DHRS11: variants seen among roughly 807,000 people sequenced by gnomAD.
DHRS11 encodes dehydrogenase/reductase 11, also known as dehydrogenase/reductase SDR family member 11.
DHRS11 carries 18 observed loss-of-function variants against 30.7 expected under a neutral mutation model. That is an observed-to-expected ratio of 0.59 (90% CI 0.41 to 0.87). The LOEUF (loss-of-function observed/expected upper bound fraction) is 0.87. DHRS11 is among the 40% of genes least tolerant of loss of function. The pLI, the probability that DHRS11 is intolerant of heterozygous loss-of-function variation, is 0.00. For missense variants in DHRS11, 300 were observed against 349.0 expected, an observed-to-expected ratio of 0.86 and a Z score of 1.12; for synonymous variants, 123 against 139.6, an observed-to-expected ratio of 0.88 and a Z score of 0.84.
Position 36,595,102 on chromosome 17 carries a change from C to G in DHRS11, c.279C>G (p.Ile93Met). Residue 93 changes from isoleucine (I) to methionine (M), a missense_variant, in exon 2 of 7, where the codon ATC (isoleucine) becomes ATG (methionine). Transcript: ENST00000618403. ...AIRSQHSGVDICINNAGLARP... is the reference protein window; with the variant it reads ...AIRSQHSGVDMCINNAGLARP... ...GTTCTCAGCACAGCGGTGTAGACAT[C>G]TGCATCAACAATGCTGGCTTGGCCC... The G allele has an allele frequency of 1.9e-6, 3 of 1,614,202 alleles. No homozygotes were observed. The highest frequency in any genetic ancestry group is 2.5e-6 in the Non-Finnish European group (3 of 1,180,048).
Position 36,592,197 on chromosome 17 carries a change from TTTCCC to T in DHRS11, c.147+42_147+46del. 1 of 1,249,860 alleles carries T rather than the reference TTTCCC, an allele frequency of 8.0e-7. No individual in the cohort carries two copies. The highest frequency in any genetic ancestry group is 3.1e-5 in the East Asian group (1 of 32,634). 77.4% of individuals were successfully genotyped at this position (1,249,860 alleles called of 1,614,324 possible). On this transcript the variant is annotated intron_variant, in intron 1 of 6. Transcript: ENST00000618403. This position sits in a 1 kb window ranked among gnomAD's most constrained non-coding sequence, Gnocchi z 4.4. ...GGGCGGGGACGTCGCGGGCGGGTCG[TTTCCC>T]CGGAGTCGGGTTCACCTGCCCGCCA...
At chr17:36,595,637 G>T (rs2074805152) in intron 2 of DHRS11, among the ~76,000 whole-genome samples, 1 of 151,942 alleles carries the variant, frequency 6.6e-6, no homozygotes, top group Non-Finnish European at 1.5e-5. Context: ...TGGCCAGGCT[G>T]GTCTCAAACT....
At position 36,592,880 on chromosome 17, in the gene DHRS11, G is replaced by A. The variant is rs1450367280; in HGVS notation, c.147+724G>A. ...CCTGTAAGCTCATTCTCAGTGTCGGGCTAGTGCTTAGCTGCAGGGCTTTAT... is the reference window on the plus strand; with the variant it reads ...CCTGTAAGCTCATTCTCAGTGTCGGACTAGTGCTTAGCTGCAGGGCTTTAT... On this transcript the variant is annotated intron_variant, in intron 1 of 6. Transcript: ENST00000618403. This position sits in a 1 kb window ranked among gnomAD's most constrained non-coding sequence, Gnocchi z 4.4. Among the ~76,000 whole-genome samples the A allele has an allele frequency of 6.6e-6, 1 of 152,118 alleles. No homozygotes were observed. Among genetic ancestry groups the A allele is most frequent in the Non-Finnish European group, 1.5e-5 (1 of 68,026 alleles).
At chr17:36,599,556 A>T in intron 4 of DHRS11, 115 bp from the exon 5 acceptor site, 3 of 1,051,308 alleles carry the variant, frequency 2.9e-6, no homozygotes, top group Non-Finnish European at 4.3e-6. Flanking sequence ...CCGCTGCCGG[A>T]TATCAGGCAG....
Position 36,600,025 on chromosome 17 carries a change from C to A in DHRS11, c.729C>A (p.Pro243=), listed in dbSNP as rs139174854. The A allele has an allele frequency of 1.9e-6, 3 of 1,613,710 alleles. No homozygotes were observed. The highest frequency in any genetic ancestry group is 4.5e-5 in the East Asian group (2 of 44,854). ...AEAVIYVLST[P]AHIQIGDIQM... The stretch of plus-strand genomic sequence containing the variant: ...CTGTTATCTACGTCCTCAGCACCCC[C>A]GCACACATCCAGGTGAGTCTGGCCC... Residue 243 remains proline, a synonymous_variant, in exon 6 of 7, where the codon CCC becomes CCA. Coordinates refer to ENST00000618403, the MANE Select transcript of DHRS11 (RefSeq NM_024308.4).
chr17:36,597,541 G>A (rs1174027993), intron 2 of DHRS11: 2 of 158,120 alleles, frequency 1.3e-5, no homozygotes, highest in African/African-American at 4.8e-5. Context: ...TGACCCTCTA[G>A]AGTCTCCGTG....
chr17:36,593,924 C>T (rs2074788266), intron 1 of DHRS11, among the ~76,000 whole-genome samples: 1 of 152,230 alleles, frequency 6.6e-6, no homozygotes, highest in Non-Finnish European at 1.5e-5. Context: ...TGAATGTCAG[C>T]TTCCCCCTGG....
In DHRS11 at chr17:36,595,082, C is replaced by G; in HGVS notation, c.259C>G (p.Gln87Glu). 2 of 1,614,222 alleles carry G rather than the reference C, an allele frequency of 1.2e-6. No homozygotes were observed. The highest frequency in any genetic ancestry group is 2.2e-5 in the South Asian group (2 of 91,080). The change falls in exon 2 of 7, where the codon CAG becomes GAG. Residue 87 changes from glutamine to glutamate, a missense_variant. Gln to Glu is a conservative substitution (Grantham distance 29). Coordinates refer to ENST00000618403, the MANE Select transcript of DHRS11 (RefSeq NM_024308.4). ...CTCCATGTTCTCAGCTATCCGTTCTCAGCACAGCGGTGTAGACATCTGCAT... is the reference window on the plus strand; with the variant it reads ...CTCCATGTTCTCAGCTATCCGTTCTGAGCACAGCGGTGTAGACATCTGCAT... ...ILSMFSAIRS[Q>E]HSGVDICINN... is the part of the protein sequence containing the mutation.
chr17:36,593,460 C>T (rs1431403941), intron 1 of DHRS11, among the ~76,000 whole-genome samples: 1 of 152,152 alleles, frequency 6.6e-6, no homozygotes, highest in Non-Finnish European at 1.5e-5. Flanking sequence ...AATTTTGAGT[C>T]TAGAGGAGGA....
chr17:36,592,548 A>C lies in DHRS11; in HGVS notation c.147+392A>C, dbSNP rs2074776351. ...CTGGCCAACCAGATGGGCAGGAGCC[A>C]GGACTGAGGTTGGGGTTGGGGTGGG... On this transcript the variant is annotated intron_variant, in intron 1 of 6. Coordinates refer to ENST00000618403, the MANE Select transcript of DHRS11 (RefSeq NM_024308.4). The surrounding 1 kb of genome is among the most constrained non-coding windows in gnomAD (Gnocchi z 4.4). 6.6e-6 allele frequency among the ~76,000 whole-genome samples: 1 copy of C among 152,200 alleles called. No individual in the cohort carries two copies. Among genetic ancestry groups the C allele is most frequent in the Non-Finnish European group, 1.5e-5 (1 of 68,032 alleles).
intron 3 of DHRS11, 143 bp downstream of exon 3, chr17:36,598,400 G>C: frequency 1.3e-6 from 1 of 776,208 alleles, no homozygotes; most frequent in East Asian, 2.7e-5. Context: ...GTGAGGGAAA[G>C]AATAATGTTG....
intron 5 of DHRS11, 75 bp from the exon 6 acceptor site, chr17:36,599,897 C>A (rs986007218): frequency 3.1e-6 from 5 of 1,588,908 alleles, no homozygotes; most frequent in Non-Finnish European, 4.3e-6. Flanking sequence ...GTGGATGCCA[C>A]AGAGAAGCTC....
At position 36,597,767 on chromosome 17, in the gene DHRS11, TCA is replaced by T. The variant is rs1479066788; in HGVS notation, c.358-393_358-392del. ...TAGGAGGGAGCAGGGCCAGAGACTG[TCA>T]CAGAGAAGAGAAGAGTAGGGTATTT... On this transcript the variant is annotated intron_variant, in intron 2 of 6. Coordinates refer to ENST00000618403, the MANE Select transcript of DHRS11 (RefSeq NM_024308.4). The T allele has an allele frequency of 3.3e-5, 10 of 299,062 alleles. No homozygotes were observed. In the Admixed American group the frequency reaches 5.2e-4, roughly 15 times the overall value. The allele number at this position is 299,062 out of a possible 1,614,324, so 18.5% of individuals were successfully genotyped here. A position where few individuals can be genotyped will look rare whatever the true frequency, so the allele number is the denominator to read the frequency against.
chr17:36,597,945 A>G (rs2074824191), intron 2 of DHRS11: 2 of 595,008 alleles, frequency 3.4e-6, no homozygotes, highest in South Asian at 4.0e-5. Flanking sequence ...CAGCCAGGTG[A>G]GGAGCTACCT....
rs2074768645 is a variant in DHRS11 at position 36,591,884 on chromosome 17, T to C, written c.-126T>C. The C allele has an allele frequency of 9.7e-7, 1 of 1,029,054 alleles. No homozygotes were observed. The highest frequency in any genetic ancestry group is 1.2e-6 in the Non-Finnish European group (1 of 810,138). The allele number at this position is 1,029,054 out of a possible 1,614,324, so 63.7% of individuals were successfully genotyped here. A position where few individuals can be genotyped will look rare whatever the true frequency, so the allele number is the denominator to read the frequency against. ...GTCCCGGCCGGAGGCAGGCCGGGAC[T>C]CTGGTGGGTCTAGGCGCGGATCGGA... On this transcript the variant is annotated 5_prime_UTR_variant, in exon 1 of 7. Coordinates refer to ENST00000618403, the MANE Select transcript of DHRS11 (RefSeq NM_024308.4).
intron 3 of DHRS11, 131 bp downstream of exon 3, chr17:36,598,388 T>C: frequency 1.2e-6 from 1 of 829,024 alleles, no homozygotes; most frequent in Non-Finnish European, 1.9e-6. Flanking sequence ...GGCACAATTA[T>C]GGTGAGGGAA....
At chr17:36,595,458 C>T (rs1312322977) in intron 2 of DHRS11, among the ~76,000 whole-genome samples, 4 of 105,256 alleles carry the variant, frequency 3.8e-5, no homozygotes, top group African/African-American at 1.0e-4. Context: ...CTTGCTTTGT[C>T]ACCCAGGCTG....
rs1235461771 is a variant in DHRS11, at chr17:36,598,237, G to A, written c.432G>A (p.Gly144=). The change falls in exon 3 of 7, where the codon GGG becomes GGA. Residue 144 remains glycine, a synonymous_variant. Coordinates refer to ENST00000618403, the MANE Select transcript of DHRS11 (RefSeq NM_024308.4). ...QSMKERNVDD[G]HIININSMSG... ...TGAAGGAGCGGAATGTGGACGATGG[G>A]CACATCATTAACATCAATAGGTGAG... 6.2e-7 allele frequency: 1 copy of A among 1,614,112 alleles called. No individual in the cohort carries two copies. Among genetic ancestry groups the A allele is most frequent in the Non-Finnish European group, 8.5e-7 (1 of 1,179,998 alleles).
At position 36,599,613 on chromosome 17, in the gene DHRS11, G is replaced by C. The variant is rs546264679; in HGVS notation, c.583-58G>C. 5.3e-5 allele frequency: 83 copies of C among 1,580,428 alleles called. No homozygotes were observed. In the African/African-American group the frequency reaches 9.8e-4, roughly 19 times the overall value. ...TCTGTGGCCTCCATCCTCTCCCCTCGACCTCCCCAAGACCTGGCAAAGCTC... is the reference window on the plus strand; with the variant it reads ...TCTGTGGCCTCCATCCTCTCCCCTCCACCTCCCCAAGACCTGGCAAAGCTC... On this transcript the variant is annotated intron_variant, in intron 4 of 6. Coordinates refer to ENST00000618403, the MANE Select transcript of DHRS11 (RefSeq NM_024308.4).
Sources: gnomAD v4.1 joint callset for allele counts (sites outside exome capture counted in the v4.1 genomes callset) on GRCh38, gnomAD v4.1.1 for gene constraint, Gnocchi (gnomAD v3.1) non-coding constraint, MANE v1.5 for transcripts, NCBI Gene and HGNC (gene_info 2026-07-23, HGNC 2026-07-21) for gene names.